The following TRPM3 variants were observed in gnomAD, a reference collection of about 807,000 sequenced individuals.
The protein encoded by TRPM3 is long transient receptor potential channel 3.
In TRPM3, 77 loss-of-function variants were observed where a neutral mutation model predicts 181.2. The observed-to-expected ratio is 0.42, with a 90% CI of 0.35 to 0.51. TRPM3 has a LOEUF of 0.51. Among genes scored for constraint, TRPM3 ranks in the 20% least tolerant of loss-of-function variants. The probability of loss-of-function intolerance (pLI) is 0.01; values close to 1 mark genes in which losing one functional copy is unlikely to be tolerated. For missense variants in TRPM3, 1,759 were observed against 2,196.7 expected (o/e 0.80, Z 3.98); for synonymous variants, 745 against 796.4 (o/e 0.94, Z 1.09).
intron 5 of TRPM3, among the ~76,000 whole-genome samples, chr9:70,835,754 A>C (rs866400096): frequency 4.9e-4 from 75 of 152,190 alleles, no homozygotes; most frequent in African/African-American, 1.7e-3. Context: ...GAGATAGAAA[A>C]CTCATAGAAC....
chr9:71,001,522 C>T (rs1270785171), intron 1 of TRPM3, among the ~76,000 whole-genome samples: 3 of 152,180 alleles, frequency 2.0e-5, no homozygotes, highest in Non-Finnish European at 4.4e-5. Flanking sequence ...CACAAGCTTG[C>T]TGAATTACCT....
At chr9:70,821,855 T>C (rs2093199961) in intron 6 of TRPM3, among the ~76,000 whole-genome samples, 1 of 152,228 alleles carries the variant, frequency 6.6e-6, no homozygotes, top group African/African-American at 2.4e-5. Flanking sequence ...TTGATGCCTA[T>C]TCTACCACTG....
At chr9:70,649,808 G>C (rs2059379810) in intron 9 of TRPM3, among the ~76,000 whole-genome samples, 1 of 152,106 alleles carries the variant, frequency 6.6e-6, no homozygotes, top group African/African-American at 2.4e-5. Context: ...TCCCATTACT[G>C]GGCATACACT....
At position 71,104,201 on chromosome 9, in the gene TRPM3, T is replaced by TA. The variant is rs1429271629; in HGVS notation, c.177+16976_177+16977insT. Among the ~76,000 whole-genome samples the TA allele has an allele frequency of 3.9e-5, 6 of 152,210 alleles. No homozygotes were observed. In the East Asian group the frequency reaches 1.2e-3, roughly 29 times the overall value. The stretch of plus-strand genomic sequence containing the variant: ...AAAGTGCTGGGATTACAGGTGTGAA[T>TA]CACCATGCCCACCCCATTTAGCAAC... On this transcript the variant is annotated intron_variant, in intron 1 of 25. Transcript: ENST00000677713.
At chr9:71,305,756 T>C (rs1226915114) in intron 1 of TRPM3, among the ~76,000 whole-genome samples, 4 of 152,190 alleles carry the variant, frequency 2.6e-5, no homozygotes, top group Non-Finnish European at 5.9e-5. Context: ...AGGTGATGTT[T>C]AGAAGTTTTG....
At chr9:71,355,669 G>A (rs990979899) in intron 1 of TRPM3, among the ~76,000 whole-genome samples, 16 of 152,156 alleles carry the variant, frequency 1.1e-4, no homozygotes, top group Non-Finnish European at 2.2e-4. Flanking sequence ...CAAGGTAAAA[G>A]GAAGTACATG....
chr9:70,794,411 T>C (rs2086467093), intron 6 of TRPM3, among the ~76,000 whole-genome samples: 1 of 152,198 alleles, frequency 6.6e-6, no homozygotes, highest in African/African-American at 2.4e-5. Context: ...CACCACCTTC[T>C]ACATTCCAGT....
intron 1 of TRPM3, among the ~76,000 whole-genome samples, chr9:71,200,575 T>C (rs982182683): frequency 6.6e-6 from 1 of 152,212 alleles, no homozygotes; most frequent in African/African-American, 2.4e-5. Context: ...GGTGCATATA[T>C]ATTTAGGATA....
At chr9:70,616,170 AAG>A (rs554311738) in intron 17 of TRPM3, 95 bp from the exon 18 acceptor site, 152 of 952,144 alleles carry the variant, frequency 1.6e-4, no homozygotes, top group Non-Finnish European at 2.2e-4. Context: ...TATGGGGTAT[AAG>A]AGTGTATGCG....
At chr9:71,414,176 A>G (rs1471506338) in intron 1 of TRPM3, among the ~76,000 whole-genome samples, 1 of 152,128 alleles carries the variant, frequency 6.6e-6, no homozygotes, top group Non-Finnish European at 1.5e-5. Context: ...TGGTCTACAA[A>G]GCTAAAAGAT....
At chr9:71,209,881 G>C (rs1398042054) in intron 1 of TRPM3, among the ~76,000 whole-genome samples, 3 of 152,204 alleles carry the variant, frequency 2.0e-5, no homozygotes, top group African/African-American at 7.2e-5. Context: ...TATAATGGCA[G>C]AATTGAGACC....
At chr9:70,812,360 A>G (rs2092193217) in intron 6 of TRPM3, among the ~76,000 whole-genome samples, 1 of 152,142 alleles carries the variant, frequency 6.6e-6, no homozygotes. Context: ...ATATGTCAGC[A>G]CCCATACCCT....
intron 1 of TRPM3, among the ~76,000 whole-genome samples, chr9:70,998,224 CATAT>C (rs1554794808): frequency 3.1e-5 from 4 of 128,566 alleles, no homozygotes; most frequent in African/African-American, 5.5e-5. Flanking sequence ...CATATATATA[CATAT>C]ACACACACAC....
At chr9:71,067,958 GA>G (rs1343822491) in intron 1 of TRPM3, among the ~76,000 whole-genome samples, 4 of 152,108 alleles carry the variant, frequency 2.6e-5, no homozygotes, top group African/African-American at 9.7e-5. Flanking sequence ...GAGGAGCTCA[GA>G]AACTCTCTTG....
chr9:70,827,285 G>A (rs916084133), intron 6 of TRPM3: 1 of 150,546 alleles, frequency 6.6e-6, no homozygotes, highest in African/African-American at 2.4e-5. Flanking sequence ...TTGCTTTTCT[G>A]TTTAGCCACC....
chr9:70,907,653 A>C (rs1292017842), intron 1 of TRPM3, among the ~76,000 whole-genome samples: 1 of 152,298 alleles, frequency 6.6e-6, no homozygotes, highest in East Asian at 1.9e-4. Flanking sequence ...CCATTGCCCC[A>C]GTAATGAACA....
At chr9:70,756,760 C>A (rs1441290985) in intron 8 of TRPM3, among the ~76,000 whole-genome samples, 1 of 152,116 alleles carries the variant, frequency 6.6e-6, no homozygotes, top group Non-Finnish European at 1.5e-5. Context: ...GAAATTAAGG[C>A]AGAAATAAAC....
intron 1 of TRPM3, among the ~76,000 whole-genome samples, chr9:71,256,132 T>C (rs566002623): frequency 6.6e-6 from 1 of 152,312 alleles, no homozygotes; most frequent in Non-Finnish European, 1.5e-5. Flanking sequence ...TAGTAAGTAA[T>C]CTTCAAAGTT....
At chr9:71,044,905 T>G (rs530000982) in intron 1 of TRPM3, among the ~76,000 whole-genome samples, 29 of 152,146 alleles carry the variant, frequency 1.9e-4, no homozygotes, top group African/African-American at 6.3e-4. Flanking sequence ...TCTCCTGACC[T>G]CGTGATCCAC....
Sources: allele counts gnomAD v4.1 joint callset (sites outside exome capture counted in the v4.1 genomes callset), GRCh38; gene constraint gnomAD v4.1.1; transcripts MANE v1.5; gene names NCBI Gene and HGNC (gene_info 2026-07-23, HGNC 2026-07-21).